TMEM217: variants seen among roughly 807,000 people sequenced by gnomAD.
TMEM217 encodes transmembrane protein 217, also known as chromosome 6 open reading frame 128.
For synonymous variants in TMEM217, 76 were observed against 88.3 expected, an observed-to-expected ratio of 0.86 and a Z score of 0.78; for missense variants, 204 against 248.8, an observed-to-expected ratio of 0.82 and a Z score of 1.21.
chr6:37,226,386 G>A (rs1183775102), intron 1 of TMEM217, among the ~76,000 whole-genome samples: 4 of 135,626 alleles, frequency 2.9e-5, no homozygotes, highest in African/African-American at 5.5e-5. Context: ...TCCGCCTCCC[G>A]GGTTCACGCC....
intron 1 of TMEM217, among the ~76,000 whole-genome samples, chr6:37,252,645 T>A (rs1386204454): frequency 0.042 from 4,620 of 109,986 alleles, 70 homozygotes; most frequent in Middle Eastern, 0.083. Flanking sequence ...ATATTTTTTT[T>A]TTTTTTTTTT....
intron 1 of TMEM217, among the ~76,000 whole-genome samples, chr6:37,224,910 G>A (rs1388877217): frequency 6.6e-6 from 1 of 152,016 alleles, no homozygotes; most frequent in African/African-American, 2.4e-5. Flanking sequence ...CAGTCATGGT[G>A]GCTCATGCCT....
chr6:37,229,335 G>GCTTTTTT (rs762059062), intron 1 of TMEM217, among the ~76,000 whole-genome samples: 2 of 74,370 alleles, frequency 2.7e-5, no homozygotes, highest in African/African-American at 1.1e-4. Context: ...GCAACTTTCA[G>GCTTTTTT]TTTTTTTTTT....
intron 1 of TMEM217, among the ~76,000 whole-genome samples, chr6:37,225,881 C>CT (rs142629788): frequency 0.014 from 2,113 of 152,326 alleles, 48 homozygotes; most frequent in African/African-American, 0.047. Context: ...CACCTTCTCC[C>CT]TTTCCCCCTT....
chr6:37,251,551 A>G (rs1765400150), intron 1 of TMEM217, among the ~76,000 whole-genome samples: 1 of 152,256 alleles, frequency 6.6e-6, no homozygotes, highest in Non-Finnish European at 1.5e-5. Context: ...TGAGTGAAAA[A>G]GCCAGTTGCT....
intron 1 of TMEM217, among the ~76,000 whole-genome samples, chr6:37,235,156 T>G (rs927421687): frequency 6.6e-6 from 1 of 152,180 alleles, no homozygotes; most frequent in South Asian, 2.1e-4. Flanking sequence ...TAGCTGGGGA[T>G]AGAACAAAGC....
upstream of TMEM217, chr6:37,258,127 C>G: frequency 1.2e-6 from 1 of 828,756 alleles, no homozygotes; most frequent in Admixed American, 3.2e-5. Flanking sequence ...TGTCAGGCAG[C>G]GAAGCGAACA....
At chr6:37,212,307 A>C (rs1299186414) in exon 4 of TMEM217, 1 of 354,952 alleles carries the variant, frequency 2.8e-6, no homozygotes, top group Non-Finnish European at 5.6e-6. Context: ...CGTAAAACTC[A>C]AAAGCCCTGA....
At chr6:37,257,167 T>C (rs1052004055) in intron 1 of TMEM217, among the ~76,000 whole-genome samples, 1 of 152,206 alleles carries the variant, frequency 6.6e-6, no homozygotes. Context: ...GTGAGAGTTA[T>C]GGATTGACAT....
exon 2 of TMEM217, chr6:37,218,069 A>G (rs564714967): frequency 3.0e-6 from 3 of 1,004,902 alleles, no homozygotes; most frequent in African/African-American, 3.5e-5. Flanking sequence ...AGTGGGGGGA[A>G]AAAAGGAAAT....
At chr6:37,231,335 G>A (rs566409856) in intron 1 of TMEM217, among the ~76,000 whole-genome samples, 1 of 147,216 alleles carries the variant, frequency 6.8e-6, no homozygotes, top group African/African-American at 2.5e-5. Flanking sequence ...CTCCCAAAGT[G>A]CTGGGATTAC....
rs569657622 is a variant in TMEM217 at position 37,224,374 on chromosome 6, G to A, written c.-11-5333C>T. Among the ~76,000 whole-genome samples, 30 of 151,216 alleles carry A rather than the reference G, an allele frequency of 2.0e-4. No individual in the cohort carries two copies. In the East Asian group the frequency reaches 5.3e-3, roughly 27 times the overall value. On this transcript the variant is annotated intron_variant, in intron 1 of 1. Transcript: ENST00000357219. ...AGCACTTTGGGAGGCTGAGGTGGGC[G>A]GATCATGAGGTCAGGAGATCGAGAC... is the stretch of plus-strand genomic sequence containing the variant.
chr6:37,216,451 T>A (rs1436135156), downstream of TMEM217, among the ~76,000 whole-genome samples: 1 of 151,838 alleles, frequency 6.6e-6, no homozygotes, highest in East Asian at 1.9e-4. Flanking sequence ...AAGGTGGAGG[T>A]AGGCAGAGCA....
chr6:37,231,383 T>G (rs1764197601), intron 1 of TMEM217, among the ~76,000 whole-genome samples: 1 of 150,934 alleles, frequency 6.6e-6, no homozygotes, highest in Admixed American at 6.6e-5. Context: ...ATTTAATTTT[T>G]AAGAAATCAG....
chr6:37,240,563 A>T (rs1407906957), intron 1 of TMEM217, among the ~76,000 whole-genome samples: 2 of 152,180 alleles, frequency 1.3e-5, no homozygotes, highest in Non-Finnish European at 2.9e-5. Context: ...GATATCCATC[A>T]CTTCAGCTAT....
chr6:37,226,357 A>G (rs1583447887), intron 1 of TMEM217, among the ~76,000 whole-genome samples: 2 of 122,558 alleles, frequency 1.6e-5, no homozygotes, highest in African/African-American at 6.4e-5. Context: ...CAGTGGCGCT[A>G]TCTTGGCTCA....
At chr6:37,245,640 A>G (rs1008000834) in intron 1 of TMEM217, among the ~76,000 whole-genome samples, 31 of 152,170 alleles carry the variant, frequency 2.0e-4, no homozygotes, top group African/African-American at 7.5e-4. Context: ...GATTTATATC[A>G]TGGGCAGCAA....
rs372385535 is a variant in TMEM217 at position 37,229,335 on chromosome 6, G to GTTTTTTTTTT, written c.-11-10304_-11-10295dup. On this transcript the variant is annotated intron_variant, in intron 1 of 1. Coordinates refer to ENST00000357219, the Ensembl canonical transcript of TMEM217. ...TGACTCGTCTCCCTAGCAACTTTCAGTTTTTTTTTTTTTTTTTTTTTTTTT... is the reference window on the plus strand; with the variant it reads ...TGACTCGTCTCCCTAGCAACTTTCAGTTTTTTTTTTTTTTTTTTTTTTTTTTTTTTTTTTT... 8.9e-4 allele frequency among the ~76,000 whole-genome samples: 66 copies of GTTTTTTTTTT among 74,364 alleles called. 12 individuals are homozygous for GTTTTTTTTTT. The highest frequency in any genetic ancestry group is 1.8e-3 in the East Asian group (4 of 2,168). 48.8% of individuals were successfully genotyped at this position (74,364 alleles called of 152,430 possible).
chr6:37,241,452 C>G (rs1355307185), intron 1 of TMEM217, among the ~76,000 whole-genome samples: 2 of 152,144 alleles, frequency 1.3e-5, no homozygotes. Flanking sequence ...ACCCTGAGCA[C>G]TAGGGATTCT....
Sources: allele counts gnomAD v4.1 joint callset (sites outside exome capture counted in the v4.1 genomes callset), GRCh38; gene constraint gnomAD v4.1.1; transcripts MANE v1.5; gene names NCBI Gene and HGNC (gene_info 2026-07-23, HGNC 2026-07-21).